Variants in ATP10B observed in about 807,000 individuals in gnomAD.
The protein encoded by ATP10B is ATPase phospholipid transporting 10B (putative).
ATP10B carries 122 observed loss-of-function variants against 141.2 expected under a neutral mutation model. That is an observed-to-expected ratio of 0.86 (90% CI 0.75 to 1.00). The LOEUF (loss-of-function observed/expected upper bound fraction) is 1.00, where lower values mean the gene tolerates loss of function less well. ATP10B is among the 50% of genes least tolerant of loss of function. The pLI is 0.00. For synonymous variants in ATP10B, 685 were observed against 692.0 expected (o/e 0.99, Z 0.16); for missense variants, 1,876 against 1,825.3 (o/e 1.03, Z -0.51).
the ATP10B span, among the ~76,000 whole-genome samples, chr5:160,924,520 G>A: frequency 1.1e-4 from 16 of 152,172 alleles, no homozygotes; most frequent in Non-Finnish European, 1.6e-4. Flanking sequence ...AGAGCCTTGC[G>A]TGTTTGGTGC....
At chr5:160,809,823 A>AG (rs899459526) in intron 1 of ATP10B, among the ~76,000 whole-genome samples, 1 of 152,240 alleles carries the variant, frequency 6.6e-6, no homozygotes, top group African/African-American at 2.4e-5. Flanking sequence ...TATGTGCAGA[A>AG]GGGATCGGGA....
chr5:160,664,949 G>C (rs1180444599), intron 7 of ATP10B, among the ~76,000 whole-genome samples: 1 of 152,144 alleles, frequency 6.6e-6, no homozygotes, highest in South Asian at 2.1e-4. Context: ...AGAGGTTTCA[G>C]GTATCAGAAT....
chr5:160,921,703 T>G, the ATP10B span, among the ~76,000 whole-genome samples: 151,158 of 152,348 alleles, frequency 0.99, 75,002 homozygotes, highest in East Asian at 1. Flanking sequence ...TGTCTTATAG[T>G]TATCAGTGAA....
chr5:160,771,124 G>C (rs1013010844), intron 2 of ATP10B, among the ~76,000 whole-genome samples: 21 of 152,194 alleles, frequency 1.4e-4, no homozygotes, highest in African/African-American at 5.1e-4. Context: ...AGTATGCACA[G>C]TGCCTGTAGG....
chr5:160,778,429 TTCAG>T (rs1259665834), intron 2 of ATP10B, among the ~76,000 whole-genome samples: 1 of 152,198 alleles, frequency 6.6e-6, no homozygotes, highest in Non-Finnish European at 1.5e-5. Flanking sequence ...CTCCTACTCA[TTCAG>T]TATTTCTTCA....
At chr5:160,857,136 A>T (rs1754019715), upstream of ATP10B, among the ~76,000 whole-genome samples, 1 of 151,898 alleles carries the variant, frequency 6.6e-6, no homozygotes, top group East Asian at 1.9e-4. Context: ...AATTTGAATT[A>T]ATTTTTCTTT....
chr5:160,658,383 A>G (rs1761654105), intron 7 of ATP10B, among the ~76,000 whole-genome samples: 1 of 152,212 alleles, frequency 6.6e-6, no homozygotes, highest in Admixed American at 6.5e-5. Context: ...ACTATAGGAG[A>G]GAGACAGAGG....
chr5:160,676,580 G>A (rs1763045421), intron 6 of ATP10B, among the ~76,000 whole-genome samples: 3 of 152,198 alleles, frequency 2.0e-5, no homozygotes. Context: ...TGCACATAGG[G>A]TTGGGTATAG....
At chr5:160,733,524 A>G (rs1766880937) in intron 2 of ATP10B, among the ~76,000 whole-genome samples, 1 of 152,130 alleles carries the variant, frequency 6.6e-6, no homozygotes, top group Admixed American at 6.5e-5. Context: ...TGACCATAAA[A>G]AGTTAAGGGA....
intron 16 of ATP10B, among the ~76,000 whole-genome samples, 153 bp from the exon 17 acceptor site, chr5:160,616,117 G>A (rs1168441512): frequency 1.3e-5 from 2 of 151,462 alleles, no homozygotes; most frequent in African/African-American, 4.9e-5. Context: ...TTTTAAATAT[G>A]TAAATTAATG....
chr5:160,844,666 A>T (rs996610587), intron 1 of ATP10B, among the ~76,000 whole-genome samples: 4 of 151,786 alleles, frequency 2.6e-5, no homozygotes, highest in Admixed American at 2.6e-4. Context: ...CTGCCTCAGC[A>T]TCCTGAGTAG....
intron 5 of ATP10B, among the ~76,000 whole-genome samples, chr5:160,686,773 T>C (rs1333741009): frequency 6.6e-6 from 1 of 152,192 alleles, no homozygotes; most frequent in Non-Finnish European, 1.5e-5. Context: ...TTTAAAGGGG[T>C]CCCATAAATA....
intron 7 of ATP10B, among the ~76,000 whole-genome samples, chr5:160,655,851 C>A (rs1761458094): frequency 2.0e-5 from 3 of 152,132 alleles, no homozygotes; most frequent in African/African-American, 4.8e-5. Flanking sequence ...GGGTGATTAA[C>A]ACAAATCAGT....
chr5:160,688,204 C>T lies in ATP10B; in HGVS notation c.-20-110G>A, dbSNP rs1446504498. ...AGACACTGAAAGTAGTCTTAACCCA[C>T]ACTTTGACCTACTTCCTTGTAACTA... On this transcript the variant is annotated intron_variant, in intron 4 of 25. Transcript: ENST00000327245. 8 of 1,141,354 alleles carry T rather than the reference C, an allele frequency of 7.0e-6. No individual in the cohort carries two copies. The East Asian group carries it at 2.1e-4, about 29-fold the overall frequency. 70.7% of individuals were successfully genotyped at this position (1,141,354 alleles called of 1,614,324 possible). A position where few individuals can be genotyped will look rare whatever the true frequency, so the allele number is the denominator to read the frequency against.
chr5:160,789,063 C>T (rs565230237), intron 1 of ATP10B, among the ~76,000 whole-genome samples: 61 of 152,220 alleles, frequency 4.0e-4, no homozygotes, highest in African/African-American at 1.3e-3. Flanking sequence ...ACTTTGGCCC[C>T]TTGATATTTA....
chr5:160,800,363 AATG>A (rs1216766980), intron 1 of ATP10B, among the ~76,000 whole-genome samples: 4 of 152,224 alleles, frequency 2.6e-5, no homozygotes, highest in Admixed American at 2.0e-4. Context: ...TCTGGCTTAT[AATG>A]ATGATTACAA....
At chr5:160,616,804 G>A (rs1355020286) in intron 16 of ATP10B, among the ~76,000 whole-genome samples, 1 of 152,212 alleles carries the variant, frequency 6.6e-6, no homozygotes, top group Non-Finnish European at 1.5e-5. Flanking sequence ...CATTAGGGGA[G>A]GCAAAATATG....
At chr5:160,807,195 T>C (rs181196726) in intron 1 of ATP10B, among the ~76,000 whole-genome samples, 17 of 152,278 alleles carry the variant, frequency 1.1e-4, no homozygotes, top group African/African-American at 3.8e-4. Flanking sequence ...GTTGCAAAAA[T>C]AAAATTTACA....
chr5:160,797,392 T>TAG (rs961953138), intron 1 of ATP10B, among the ~76,000 whole-genome samples: 7 of 152,224 alleles, frequency 4.6e-5, no homozygotes, highest in African/African-American at 1.7e-4. Context: ...CCGAGACCAC[T>TAG]AGCTTTGCTA....
Sources: gnomAD v4.1 joint callset for allele counts (sites outside exome capture counted in the v4.1 genomes callset) on GRCh38, gnomAD v4.1.1 for gene constraint, MANE v1.5 for transcripts, NCBI Gene and HGNC (gene_info 2026-07-23, HGNC 2026-07-21) for gene names.